LINGO2: variants seen among roughly 807,000 people sequenced by gnomAD.
LINGO2 encodes leucine rich repeat and Ig domain containing 2.
LINGO2 carries 14 observed loss-of-function variants against 30.6 expected under a neutral mutation model. The ratio of observed to expected loss-of-function variants is 0.46; its 90% CI spans 0.30 to 0.72. The LOEUF (loss-of-function observed/expected upper bound fraction) is 0.72, where lower values mean the gene tolerates loss of function less well. Ranked by LOEUF, LINGO2 falls within the 30% of genes least tolerant of loss-of-function variation. The probability of loss-of-function intolerance (pLI) is 0.07; values close to 1 mark genes in which losing one functional copy is unlikely to be tolerated. For missense variants in LINGO2, 729 were observed against 751.7 expected, an observed-to-expected ratio of 0.97 and a Z score of 0.35; for synonymous variants, 317 against 288.5, an observed-to-expected ratio of 1.10 and a Z score of -1.00.
At chr9:27,969,367 A>G (rs1820248748) in intron 5 of LINGO2, among the ~76,000 whole-genome samples, 1 of 152,154 alleles carries the variant, frequency 6.6e-6, no homozygotes, top group Admixed American at 6.6e-5. Context: ...TAAGCCTGTT[A>G]GTGTCTAACG....
the LINGO2 span, among the ~76,000 whole-genome samples, chr9:28,986,876 T>A: frequency 1.1e-4 from 16 of 152,124 alleles, no homozygotes; most frequent in Non-Finnish European, 7.4e-5. Flanking sequence ...ATCCTAAATT[T>A]TAAAAATCAT....
intron 4 of LINGO2, among the ~76,000 whole-genome samples, chr9:28,144,197 TG>T (rs752875169): frequency 1.3e-5 from 2 of 152,222 alleles, no homozygotes; most frequent in Non-Finnish European, 2.9e-5. Context: ...TTTTTGGAAA[TG>T]TATGCTATTC....
chr9:29,059,520 G>A, the LINGO2 span, among the ~76,000 whole-genome samples: 2 of 151,674 alleles, frequency 1.3e-5, no homozygotes, highest in African/African-American at 4.8e-5. Context: ...TGATATTAGA[G>A]CAAAGACAGA....
At chr9:28,392,979 G>A (rs980448418) in intron 2 of LINGO2, among the ~76,000 whole-genome samples, 54 of 152,284 alleles carry the variant, frequency 3.5e-4, no homozygotes, top group African/African-American at 1.3e-3. Context: ...GGGAGAATAT[G>A]TCCCTAGGAA....
chr9:28,433,414 C>A (rs1370309079), intron 2 of LINGO2, among the ~76,000 whole-genome samples: 2 of 152,160 alleles, frequency 1.3e-5, no homozygotes, highest in Admixed American at 1.3e-4. Flanking sequence ...GCCAGAAAAG[C>A]AGATAAGTAA....
At chr9:28,618,194 T>C (rs1410007666) in intron 1 of LINGO2, among the ~76,000 whole-genome samples, 1 of 152,134 alleles carries the variant, frequency 6.6e-6, no homozygotes, top group African/African-American at 2.4e-5. Context: ...AAAACAGAAC[T>C]CTTGCTCCCC....
At chr9:28,744,478 C>T in the LINGO2 span, among the ~76,000 whole-genome samples, 1 of 151,816 alleles carries the variant, frequency 6.6e-6, no homozygotes. Flanking sequence ...TGATGATGTC[C>T]ACCATGAAGT....
At chr9:29,088,557 T>G in the LINGO2 span, among the ~76,000 whole-genome samples, 1 of 152,210 alleles carries the variant, frequency 6.6e-6, no homozygotes, top group Non-Finnish European at 1.5e-5. Context: ...TGCAATTTTA[T>G]AACATCTTCT....
the LINGO2 span, among the ~76,000 whole-genome samples, chr9:29,074,678 CTTTTTTTTT>C: frequency 2.3e-5 from 2 of 88,006 alleles, no homozygotes; most frequent in African/African-American, 1.1e-4. Context: ...AAATTACTTA[CTTTTTTTTT>C]TTTTTTTTTT....
At chr9:28,572,141 T>C (rs1165322544) in intron 1 of LINGO2, among the ~76,000 whole-genome samples, 1 of 152,050 alleles carries the variant, frequency 6.6e-6, no homozygotes, top group Admixed American at 6.6e-5. Context: ...AGGAAATTCT[T>C]TTTTTCTCCA....
intron 4 of LINGO2, among the ~76,000 whole-genome samples, chr9:28,137,470 T>C (rs1007173888): frequency 5.3e-5 from 8 of 152,284 alleles, no homozygotes; most frequent in African/African-American, 1.9e-4. Flanking sequence ...TCTGGCAAGC[T>C]AGTTTATTGT....
the LINGO2 span, among the ~76,000 whole-genome samples, chr9:28,936,927 C>T: frequency 1.3e-5 from 2 of 152,172 alleles, no homozygotes; most frequent in South Asian, 4.1e-4. Flanking sequence ...TACTGGCTTT[C>T]AGATGACTGC....
Position 28,148,551 on chromosome 9 carries a change from G to A in LINGO2, c.-86-136146C>T, listed in dbSNP as rs956083499. 6.7e-7 allele frequency: 1 copy of A among 1,489,112 alleles called. No homozygotes were observed. Among genetic ancestry groups the A allele is most frequent in the Admixed American group, 2.0e-5 (1 of 50,936 alleles). 92.2% of individuals were successfully genotyped at this position (1,489,112 alleles called of 1,614,324 possible). The stretch of plus-strand genomic sequence containing the variant: ...AATGGGGAAGCAGCTTCCACCTCTA[G>A]GCCCCTGGAGACTCAGGGAAACTTC... On this transcript the variant is annotated intron_variant, in intron 4 of 5. Transcript: ENST00000379992. The surrounding 1 kb of genome is among the most constrained non-coding windows in gnomAD (Gnocchi z 5.1).
intron 1 of LINGO2, among the ~76,000 whole-genome samples, chr9:28,507,487 A>T (rs1820199003): frequency 6.6e-6 from 1 of 152,096 alleles, no homozygotes; most frequent in Non-Finnish European, 1.5e-5. Flanking sequence ...TATTTAATAG[A>T]CATCTCTGAC....
chr9:28,612,925 AGGGAGAGACCAGGT>A (rs1224402622), intron 1 of LINGO2, among the ~76,000 whole-genome samples: 1 of 152,118 alleles, frequency 6.6e-6, no homozygotes, highest in Non-Finnish European at 1.5e-5. Context: ...CCAAGTGTCA[AGGGAGAGACCAGGT>A]GGAGATAATG....
Position 28,260,020 on chromosome 9 carries a change from T to C in LINGO2, c.-87+35188A>G, listed in dbSNP as rs899748980. 2.0e-5 allele frequency among the ~76,000 whole-genome samples: 3 copies of C among 151,844 alleles called. No individual in the cohort carries two copies. The South Asian group carries it at 6.2e-4, about 31-fold the overall frequency. Reference sequence around the variant, plus strand: ...AATATTGTGCCCCATGGACAACCCATTTTTAAGATACCCTGTTTGCCTATA... The same window carrying C: ...AATATTGTGCCCCATGGACAACCCACTTTTAAGATACCCTGTTTGCCTATA... On this transcript the variant is annotated intron_variant, in intron 4 of 5. Coordinates refer to ENST00000379992, the Ensembl canonical transcript of LINGO2.
At chr9:28,256,434 G>C (rs1822385695) in intron 4 of LINGO2, among the ~76,000 whole-genome samples, 1 of 151,984 alleles carries the variant, frequency 6.6e-6, no homozygotes, top group East Asian at 1.9e-4. Context: ...AAGTAAGCCA[G>C]ATAGGAAAGT....
chr9:28,884,921 ATATATAATAT>A, the LINGO2 span, among the ~76,000 whole-genome samples: 59,552 of 76,440 alleles, frequency 0.78, 23,395 homozygotes, highest in Non-Finnish European at 0.84. Flanking sequence ...TTTAGATACT[ATATATAATAT>A]TATATATAAT....
chr9:29,176,855 G>C, the LINGO2 span, among the ~76,000 whole-genome samples: 4 of 152,168 alleles, frequency 2.6e-5, no homozygotes, highest in Non-Finnish European at 5.9e-5. Flanking sequence ...GAGAAAAGGA[G>C]TTATCAAATA....
Sources: gnomAD v4.1 joint callset for allele counts (sites outside exome capture counted in the v4.1 genomes callset) on GRCh38, gnomAD v4.1.1 for gene constraint, Gnocchi (gnomAD v3.1) non-coding constraint, MANE v1.5 for transcripts, NCBI Gene and HGNC (gene_info 2026-07-23, HGNC 2026-07-21) for gene names.